Variants in LSAMP observed in about 807,000 individuals in gnomAD.
The protein encoded by LSAMP is limbic system associated membrane protein, also known as limbic system-associated membrane protein.
A neutral mutation model predicts 38.6 loss-of-function variants in LSAMP; 7 were observed. The observed-to-expected ratio is 0.18, with a 90% CI of 0.10 to 0.34. The LOEUF is 0.34. Among genes scored for constraint, LSAMP ranks in the 10% least tolerant of loss-of-function variants. The probability of loss-of-function intolerance (pLI) is 1.00; values close to 1 mark genes in which losing one functional copy is unlikely to be tolerated. For missense variants in LSAMP, 313 were observed against 420.0 expected, an observed-to-expected ratio of 0.75 and a Z score of 2.23; for synonymous variants, 154 against 166.8, an observed-to-expected ratio of 0.92 and a Z score of 0.59.
chr3:116,386,888 G>C (rs902543570), intron 1 of LSAMP, among the ~76,000 whole-genome samples: 3 of 152,156 alleles, frequency 2.0e-5, no homozygotes, highest in African/African-American at 7.2e-5. Context: ...AATTTTGATA[G>C]ATGGAGGCTG....
chr3:116,317,501 G>A (rs961624273), intron 1 of LSAMP, among the ~76,000 whole-genome samples: 3 of 151,848 alleles, frequency 2.0e-5, no homozygotes, highest in Admixed American at 1.3e-4. Context: ...GACTACAGGC[G>A]CCCGCCACCA....
intron 2 of LSAMP, among the ~76,000 whole-genome samples, chr3:116,085,942 A>G (rs1196725140): frequency 6.6e-6 from 1 of 152,212 alleles, no homozygotes; most frequent in Non-Finnish European, 1.5e-5. Flanking sequence ...ATAAACCCAA[A>G]CTTTCTTAAA....
intron 1 of LSAMP, among the ~76,000 whole-genome samples, chr3:116,176,949 CT>C (rs35270421): frequency 0.5 from 75,821 of 151,578 alleles, 21,423 homozygotes; most frequent in East Asian, 0.74. Flanking sequence ...GTTAATTTCA[CT>C]TTTTTTTTGT....
intron 1 of LSAMP, among the ~76,000 whole-genome samples, chr3:116,133,910 A>T (rs1000811339): frequency 6.6e-6 from 1 of 152,094 alleles, no homozygotes; most frequent in Admixed American, 6.5e-5. Context: ...ATGAATTTGG[A>T]TATTGACTTA....
chr3:115,864,355 A>G (rs1395217398), intron 3 of LSAMP, among the ~76,000 whole-genome samples: 1 of 152,166 alleles, frequency 6.6e-6, no homozygotes, highest in African/African-American at 2.4e-5. Context: ...AACTTGACCC[A>G]TCATTTAGTT....
intron 1 of LSAMP, among the ~76,000 whole-genome samples, chr3:116,096,966 A>G (rs983676566): frequency 6.6e-6 from 1 of 152,222 alleles, no homozygotes; most frequent in Non-Finnish European, 1.5e-5. Context: ...AAACAACTTT[A>G]AATTTTGCTT....
chr3:116,302,844 G>A (rs1414439272), intron 1 of LSAMP, among the ~76,000 whole-genome samples: 1 of 152,132 alleles, frequency 6.6e-6, no homozygotes, highest in Non-Finnish European at 1.5e-5. Flanking sequence ...CATTTTAGTA[G>A]CACTGATCTC....
intron 3 of LSAMP, among the ~76,000 whole-genome samples, chr3:115,976,663 G>A (rs1939196134): frequency 6.6e-6 from 1 of 152,138 alleles, no homozygotes; most frequent in African/African-American, 2.4e-5. Flanking sequence ...CCAATGTTGG[G>A]GAAGGAATGT....
At chr3:116,029,395 G>C (rs908419888) in intron 2 of LSAMP, among the ~76,000 whole-genome samples, 4 of 152,118 alleles carry the variant, frequency 2.6e-5, no homozygotes, top group Non-Finnish European at 4.4e-5. Flanking sequence ...TAGCTTCTTT[G>C]AGTGTCAGGT....
chr3:116,114,071 A>T (rs1272903578), intron 1 of LSAMP, among the ~76,000 whole-genome samples: 1 of 152,156 alleles, frequency 6.6e-6, no homozygotes, highest in African/African-American at 2.4e-5. Flanking sequence ...GAAATCCCCC[A>T]CCCTTTTGTG....
intron 1 of LSAMP, among the ~76,000 whole-genome samples, chr3:116,290,962 G>A (rs964982766): frequency 1.3e-5 from 2 of 151,952 alleles, no homozygotes; most frequent in Non-Finnish European, 2.9e-5. Context: ...CACTGAAGAT[G>A]CTTCATATTC....
chr3:115,938,461 CA>C (rs1937785464), intron 3 of LSAMP, among the ~76,000 whole-genome samples: 2 of 151,918 alleles, frequency 1.3e-5, no homozygotes, highest in Admixed American at 1.3e-4. Context: ...AAGTATTTAA[CA>C]AAAAAGTCAA....
intron 1 of LSAMP, among the ~76,000 whole-genome samples, chr3:116,211,012 A>G (rs6785171): frequency 6.6e-6 from 1 of 150,576 alleles, no homozygotes; most frequent in Non-Finnish European, 1.5e-5. Flanking sequence ...AAAAAAAAAA[A>G]AACAAAAACA....
chr3:116,114,848 G>C (rs1380931810), intron 1 of LSAMP, among the ~76,000 whole-genome samples: 1 of 152,148 alleles, frequency 6.6e-6, no homozygotes, highest in African/African-American at 2.4e-5. Flanking sequence ...ATTTAGTTCA[G>C]CTATTATGTC....
At chr3:116,273,683 C>CAGATATATATAGATATAT (rs150705226) in intron 1 of LSAMP, among the ~76,000 whole-genome samples, 1 of 50,528 alleles carries the variant, frequency 2.0e-5, no homozygotes, top group African/African-American at 1.3e-4. Flanking sequence ...GAGAAAGAGG[C>CAGATATATATAGATATAT]ATATATATAT....
At chr3:116,284,068 T>C (rs1476042569) in intron 1 of LSAMP, among the ~76,000 whole-genome samples, 1 of 152,168 alleles carries the variant, frequency 6.6e-6, no homozygotes, top group Non-Finnish European at 1.5e-5. Context: ...TATAAGTTTG[T>C]GATTGTTTTA....
Position 116,376,976 on chromosome 3 carries a change from A to C in LSAMP, c.155+67901T>G, listed in dbSNP as rs574399971. Reference sequence around the variant, plus strand: ...AATTAGTTTTTATTGAAATAAAAATACCCTCTCTTTTATTTCCCTCTTTAT... The same window carrying C: ...AATTAGTTTTTATTGAAATAAAAATCCCCTCTCTTTTATTTCCCTCTTTAT... On this transcript the variant is annotated intron_variant, in intron 1 of 6. Coordinates refer to ENST00000490035, the MANE Select transcript of LSAMP (RefSeq NM_002338.5). 6.6e-5 allele frequency among the ~76,000 whole-genome samples: 10 copies of C among 152,124 alleles called. 1 individual carries two copies. The South Asian group carries it at 2.1e-3, about 32-fold the overall frequency.
At chr3:116,119,433 CA>C (rs1463984349) in intron 1 of LSAMP, among the ~76,000 whole-genome samples, 1 of 151,642 alleles carries the variant, frequency 6.6e-6, no homozygotes, top group Non-Finnish European at 1.5e-5. Context: ...ACTTTGCATG[CA>C]AATAATATTT....
At chr3:116,198,435 A>C (rs1368473211) in intron 1 of LSAMP, among the ~76,000 whole-genome samples, 1 of 152,208 alleles carries the variant, frequency 6.6e-6, no homozygotes, top group Non-Finnish European at 1.5e-5. Flanking sequence ...GGTGGGAGTG[A>C]TGCTTAGTTT....
Sources: gnomAD v4.1 joint callset for allele counts (sites outside exome capture counted in the v4.1 genomes callset) on GRCh38, gnomAD v4.1.1 for gene constraint, MANE v1.5 for transcripts, NCBI Gene and HGNC (gene_info 2026-07-23, HGNC 2026-07-21) for gene names.